AKAP7: variants seen among roughly 807,000 people sequenced by gnomAD.
AKAP7 encodes A-kinase anchoring protein 7.
AKAP7 carries 39 observed loss-of-function variants against 39.5 expected under a neutral mutation model. That is an observed-to-expected ratio of 0.99 (90% CI 0.76 to 1.29). The LOEUF is 1.29. Among genes scored for constraint, AKAP7 ranks in the 50% most tolerant of loss-of-function variants. The pLI, the probability that AKAP7 is intolerant of heterozygous loss-of-function variation, is 0.00. For synonymous variants in AKAP7, 140 were observed against 139.1 expected, an observed-to-expected ratio of 1.01 and a Z score of -0.05; for missense variants, 414 against 407.7, an observed-to-expected ratio of 1.02 and a Z score of -0.13.
chr6:131,262,432 T>C (rs1054536390), intron 7 of AKAP7, among the ~76,000 whole-genome samples: 1 of 152,176 alleles, frequency 6.6e-6, no homozygotes, highest in Non-Finnish European at 1.5e-5. Flanking sequence ...GGCTACACAT[T>C]TTGGCAATAT....
At chr6:131,153,503 A>G (rs1802127247) in intron 2 of AKAP7, among the ~76,000 whole-genome samples, 1 of 152,136 alleles carries the variant, frequency 6.6e-6, no homozygotes. Context: ...GAGTTGTTAT[A>G]TGTTATAACC....
chr6:131,141,485 T>C (rs1801017032), intron 1 of AKAP7, among the ~76,000 whole-genome samples: 1 of 152,204 alleles, frequency 6.6e-6, no homozygotes, highest in East Asian at 1.9e-4. Context: ...CCTCAGGTAT[T>C]CCTTTACAGC....
At chr6:131,127,424 G>A in the AKAP7 span, among the ~76,000 whole-genome samples, 2 of 151,914 alleles carry the variant, frequency 1.3e-5, no homozygotes, top group Admixed American at 1.3e-4. Context: ...TATCTCATAA[G>A]ATACAACCAA....
chr6:131,148,280 T>G (rs1216368011), intron 2 of AKAP7, among the ~76,000 whole-genome samples: 1 of 152,234 alleles, frequency 6.6e-6, no homozygotes, highest in African/African-American at 2.4e-5. Context: ...GTTAAAAGTC[T>G]TTGTGGGTTA....
intron 7 of AKAP7, among the ~76,000 whole-genome samples, chr6:131,247,830 G>C (rs943372002): frequency 6.6e-6 from 1 of 151,962 alleles, no homozygotes; most frequent in Non-Finnish European, 1.5e-5. Context: ...GGGTCTCACT[G>C]TGTTACCCAG....
intron 7 of AKAP7, among the ~76,000 whole-genome samples, chr6:131,259,807 T>C (rs1292949451): frequency 6.6e-6 from 1 of 152,060 alleles, no homozygotes; most frequent in African/African-American, 2.4e-5. Flanking sequence ...TTTTTTAAAT[T>C]TTATTTTAAG....
chr6:131,224,546 G>A (rs149332534), intron 7 of AKAP7, among the ~76,000 whole-genome samples: 1 of 152,012 alleles, frequency 6.6e-6, no homozygotes, highest in African/African-American at 2.4e-5. Context: ...TTTTTCTGGG[G>A]AGATAATTTA....
chr6:131,125,985 A>G, the AKAP7 span, among the ~76,000 whole-genome samples: 2 of 152,140 alleles, frequency 1.3e-5, no homozygotes. Context: ...GTGGACTTGG[A>G]GGCTATGTGG....
chr6:131,157,157 A>G (rs1416347963), intron 2 of AKAP7, among the ~76,000 whole-genome samples: 1 of 152,222 alleles, frequency 6.6e-6, no homozygotes, highest in Non-Finnish European at 1.5e-5. Context: ...AATAATTATA[A>G]TAGCTAATAA....
At chr6:131,149,105 G>A (rs1801710182) in intron 2 of AKAP7, among the ~76,000 whole-genome samples, 1 of 152,228 alleles carries the variant, frequency 6.6e-6, no homozygotes, top group Non-Finnish European at 1.5e-5. Flanking sequence ...TCGATTGTCA[G>A]CTGCGTTGCC....
At chr6:131,241,623 G>GTATATACGTATATATATATA (rs1228757342) in intron 7 of AKAP7, among the ~76,000 whole-genome samples, 1 of 68,524 alleles carries the variant, frequency 1.5e-5, no homozygotes, top group African/African-American at 5.9e-5. Flanking sequence ...GTGTGTGTGT[G>GTATATACGTATATATATATA]TGTGTATATA....
intron 7 of AKAP7, among the ~76,000 whole-genome samples, chr6:131,231,935 C>T (rs1014761330): frequency 6.6e-6 from 1 of 152,126 alleles, no homozygotes; most frequent in African/African-American, 2.4e-5. Flanking sequence ...TGAAAAGCAA[C>T]TAATAATTGG....
chr6:131,176,543 T>C (rs1585016063), intron 5 of AKAP7, among the ~76,000 whole-genome samples: 1 of 152,166 alleles, frequency 6.6e-6, no homozygotes, highest in East Asian at 1.9e-4. Flanking sequence ...ATAATAGTTC[T>C]TGCAAAACTT....
chr6:131,136,629 G>A (rs1463711061), intron 1 of AKAP7, among the ~76,000 whole-genome samples: 2 of 152,162 alleles, frequency 1.3e-5, no homozygotes. Context: ...GATCCTGTTA[G>A]CATATCTGTA....
intron 5 of AKAP7, among the ~76,000 whole-genome samples, chr6:131,173,173 C>A (rs1386156089): frequency 6.8e-6 from 1 of 148,024 alleles, no homozygotes; most frequent in Non-Finnish European, 1.5e-5. Flanking sequence ...TGCACTCCAG[C>A]CTAGGTGACA....
At chr6:131,280,433 C>G (rs1255931912) in intron 7 of AKAP7, among the ~76,000 whole-genome samples, 2 of 152,200 alleles carry the variant, frequency 1.3e-5, no homozygotes, top group Non-Finnish European at 2.9e-5. Context: ...ATACCTGCTT[C>G]TGTTCTTCAA....
At chr6:131,186,057 C>T (rs1469006957) in intron 5 of AKAP7, among the ~76,000 whole-genome samples, 1 of 152,156 alleles carries the variant, frequency 6.6e-6, no homozygotes, top group Non-Finnish European at 1.5e-5. Context: ...TTTCCTAGCA[C>T]CATTTGTTGA....
intron 5 of AKAP7, among the ~76,000 whole-genome samples, chr6:131,196,696 T>G (rs2128278650): frequency 6.6e-6 from 1 of 152,322 alleles, no homozygotes; most frequent in South Asian, 2.1e-4. Context: ...CTTAATAGTA[T>G]TAGCCCTACC....
intron 6 of AKAP7, among the ~76,000 whole-genome samples, chr6:131,203,330 A>G (rs1434839007): frequency 6.6e-6 from 1 of 152,138 alleles, no homozygotes; most frequent in Non-Finnish European, 1.5e-5. Context: ...GAATCCATCC[A>G]TTGAGCTAAT....
Sources: gnomAD v4.1 joint callset for allele counts (sites outside exome capture counted in the v4.1 genomes callset) on GRCh38, gnomAD v4.1.1 for gene constraint, MANE v1.5 for transcripts, NCBI Gene and HGNC (gene_info 2026-07-23, HGNC 2026-07-21) for gene names.